The following GNS variants were observed in gnomAD, a reference collection of about 807,000 sequenced individuals.
GNS encodes N-acetylglucosamine-6-sulfatase.
Under a neutral mutation model 69.7 loss-of-function variants are expected in GNS, and 40 were observed. That is an observed-to-expected ratio of 0.57 (90% confidence interval 0.45 to 0.75). GNS has a LOEUF of 0.75. GNS is among the 30% of genes least tolerant of loss of function. The probability of loss-of-function intolerance (pLI) is 0.00; values close to 1 mark genes in which losing one functional copy is unlikely to be tolerated. For missense variants in GNS, 565 were observed against 685.5 expected, an observed-to-expected ratio of 0.82 and a Z score of 1.96; for synonymous variants, 243 against 251.6, an observed-to-expected ratio of 0.97 and a Z score of 0.32.
intron 5 of GNS, among the ~76,000 whole-genome samples, 159 bp from the exon 6 acceptor site, chr12:64,743,467 G>C (rs533566753): frequency 1.3e-5 from 2 of 152,292 alleles, no homozygotes; most frequent in South Asian, 4.1e-4. Context: ...CATATTGTTG[G>C]AACAAATATA....
Position 64,747,851 on chromosome 12 carries a change from T to G in GNS, c.320A>C (p.His107Pro). The change falls in exon 3 of 14, where the codon CAT (histidine) becomes CCT (proline). Residue 107 changes from histidine to proline, a missense_variant. Transcript: ENST00000258145. ...CTCCAGAGTGTTGTTCACAACGTGATGATTATGTGGGTACTTTCCTGTCAG... is the reference window on the plus strand; with the variant it reads ...CTCCAGAGTGTTGTTCACAACGTGAGGATTATGTGGGTACTTTCCTGTCAG... ...SILTGKYPHN[H>P]HVVNNTLEGN... 1 of 1,610,848 alleles carries G rather than the reference T, an allele frequency of 6.2e-7. No homozygotes were observed. The highest frequency in any genetic ancestry group is 8.5e-7 in the Non-Finnish European group (1 of 1,177,006).
At chr12:64,758,039 T>C (rs918641576) in intron 1 of GNS, among the ~76,000 whole-genome samples, 3 of 152,200 alleles carry the variant, frequency 2.0e-5, no homozygotes, top group Non-Finnish European at 4.4e-5. Context: ...CTTGGGCAAG[T>C]TGCTTTCTGG....
In GNS at chr12:64,743,242, T is replaced by C; in HGVS notation, c.691A>G (p.Thr231Ala). 6.2e-7 allele frequency: 1 copy of C among 1,612,526 alleles called. No individual in the cohort carries two copies. The highest frequency in any genetic ancestry group is 8.5e-7 in the Non-Finnish European group (1 of 1,178,650). The change falls in exon 6 of 14, where the codon ACT becomes GCT. Residue 231 changes from threonine to alanine, a missense_variant. Thr to Ala is a moderately conservative substitution (Grantham distance 58). This residue lies in a region of GNS where 384 missense variants were observed against 511.0 expected (regional missense o/e 0.75). Transcript: ENST00000258145. Reference protein sequence around the residue: ...NFEPFFMMIATPAPHSPWTAA... With the variant: ...NFEPFFMMIAAPAPHSPWTAA... ...GTCCAAGGCGAATGAGGCGCTGGAG[T>C]GGCGATCATCATGAAGAAGGGCTCA...
chr12:64,753,704 T>G (rs1253546069), intron 1 of GNS, among the ~76,000 whole-genome samples: 1 of 152,208 alleles, frequency 6.6e-6, no homozygotes, highest in Non-Finnish European at 1.5e-5. Context: ...AAATGACTTT[T>G]CCCCATTGTT....
In GNS at chr12:64,752,585, G is replaced by A. The variant is rs987007442; in HGVS notation, c.252+113C>T. On this transcript the variant is annotated intron_variant, in intron 2 of 13. Coordinates refer to ENST00000258145, the MANE Select transcript of GNS (RefSeq NM_002076.4). ...TAAATAAATCCTTCCTTCAGATCAGGCATTTAACAAGGAAAAAACCACATA... is the reference window on the plus strand; with the variant it reads ...TAAATAAATCCTTCCTTCAGATCAGACATTTAACAAGGAAAAAACCACATA... 11 of 688,066 alleles carry A rather than the reference G, an allele frequency of 1.6e-5. No individual in the cohort carries two copies. In the African/African-American group the frequency reaches 1.6e-4, roughly 10 times the overall value. The allele number at this position is 688,066 out of a possible 1,614,324, so 42.6% of individuals were successfully genotyped here. A position where few individuals can be genotyped will look rare whatever the true frequency, so the allele number is the denominator to read the frequency against.
rs768197243 is a variant in GNS at position 64,729,029 on chromosome 12, G to C, written c.1127C>G (p.Pro376Arg). The C allele has an allele frequency of 3.1e-6, 5 of 1,593,402 alleles. No homozygotes were observed. Among genetic ancestry groups the C allele is most frequent in the Non-Finnish European group, 4.3e-6 (5 of 1,161,208 alleles). The stretch of plus-strand genomic sequence containing the variant: ...GTAGCCAGCAATGTCCAAAATAGTA[G>C]GACCCAAGTCAATGTTGGCAACCAG... ...KMLVANIDLG[P>R]TILDIAGYDL... Residue 376 changes from proline to arginine, a missense_variant, in exon 10 of 14, where the codon CCT becomes CGT. Transcript: ENST00000258145.
chr12:64,742,101 A>G (rs1467483316), intron 6 of GNS, among the ~76,000 whole-genome samples: 2 of 151,866 alleles, frequency 1.3e-5, no homozygotes, highest in Admixed American at 6.6e-5. Context: ...GCTCACGGCA[A>G]GCTCCGCCTC....
At position 64,723,609 on chromosome 12, in the gene GNS, T is replaced by C. The variant is rs190904471; in HGVS notation, c.1201-496A>G. On this transcript the variant is annotated intron_variant, in intron 10 of 13. Transcript: ENST00000258145. ...CTTGATGGTCAGAATGAAGGTATAG[T>C]ACATTAATTCACTCACTTTTCAATG... Among the ~76,000 whole-genome samples, 115 of 152,340 alleles carry C rather than the reference T, an allele frequency of 7.5e-4. 1 individual carries two copies. The highest frequency in any genetic ancestry group is 1.6e-3 in the Admixed American group (25 of 15,302).
At chr12:64,743,365 A>C in intron 5 of GNS, 57 bp from the exon 6 acceptor site, 1 of 1,241,846 alleles carries the variant, frequency 8.1e-7, no homozygotes, top group Non-Finnish European at 1.2e-6. Flanking sequence ...AGTATTTAAT[A>C]GATAAATGTC....
At chr12:64,716,981 C>T (rs765200638) in intron 13 of GNS, among the ~76,000 whole-genome samples, 162 bp from the exon 14 acceptor site, 20 of 152,122 alleles carry the variant, frequency 1.3e-4, no homozygotes, top group African/African-American at 4.8e-4. Flanking sequence ...TCGACAGTTC[C>T]GAACATTTCT....
chr12:64,728,079 A>G (rs917446983), intron 10 of GNS, among the ~76,000 whole-genome samples: 3 of 152,128 alleles, frequency 2.0e-5, no homozygotes, highest in Non-Finnish European at 4.4e-5. Flanking sequence ...GCCCGCCACC[A>G]TGCCCAGCTT....
chr12:64,759,265 C>T lies in GNS; in HGVS notation c.12G>A (p.Leu4=), dbSNP rs1252707980. The T allele has an allele frequency of 2.0e-6, 3 of 1,527,754 alleles. No individual in the cohort carries two copies. Among genetic ancestry groups the T allele is most frequent in the South Asian group, 2.5e-5 (2 of 81,622 alleles). 94.6% of individuals were successfully genotyped at this position (1,527,754 alleles called of 1,614,324 possible). Reference sequence around the variant, plus strand: ...GCCGGAGCCGACCTGGGGCTAGAGGCAGGAGCCGCATAGCGGACAGGCTCC... The same window carrying T: ...GCCGGAGCCGACCTGGGGCTAGAGGTAGGAGCCGCATAGCGGACAGGCTCC... The part of the protein sequence containing the change: MRL[L]PLAPGRLRRG... The change falls in exon 1 of 14, where the codon CTG becomes CTA. Residue 4 remains leucine, a synonymous_variant. Coordinates refer to ENST00000258145, the MANE Select transcript of GNS (RefSeq NM_002076.4).
At chr12:64,752,427 A>AT (rs771092990) in intron 2 of GNS, among the ~76,000 whole-genome samples, 6 of 152,186 alleles carry the variant, frequency 3.9e-5, no homozygotes, top group African/African-American at 1.4e-4. Flanking sequence ...ATATTCCTTG[A>AT]TTTTTTATAA....
chr12:64,733,232 A>G (rs1460009313), intron 9 of GNS, among the ~76,000 whole-genome samples: 6 of 135,560 alleles, frequency 4.4e-5, no homozygotes, highest in Non-Finnish European at 9.3e-5. Context: ...TGGGAGGTGG[A>G]GGATGCAGTG....
At chr12:64,750,863 G>A (rs371626540) in intron 2 of GNS, among the ~76,000 whole-genome samples, 1 of 152,078 alleles carries the variant, frequency 6.6e-6, no homozygotes, top group Non-Finnish European at 1.5e-5. Flanking sequence ...AGTGAGCTAC[G>A]TCACTGCACT....
intron 13 of GNS, 59 bp from the exon 14 acceptor site, chr12:64,716,878 A>C: frequency 9.5e-7 from 1 of 1,056,888 alleles, no homozygotes; most frequent in Admixed American, 1.7e-5. Flanking sequence ...TCAGAATATT[A>C]TTCAGTGGAA....
chr12:64,744,659 C>A lies in GNS; in HGVS notation c.624+150G>T. The A allele has an allele frequency of 6.0e-6, 4 of 665,014 alleles. No homozygotes were observed. In the South Asian group the frequency reaches 6.5e-5, roughly 11 times the overall value. 41.2% of individuals were successfully genotyped at this position (665,014 alleles called of 1,614,324 possible). The stretch of plus-strand genomic sequence containing the variant: ...AACACCCTGAGGAGTTTGTAATCAG[C>A]TGGAAATACTCTTGGGCAGTTAGAC... On this transcript the variant is annotated intron_variant, in intron 5 of 13. Transcript: ENST00000258145.
In GNS at chr12:64,740,350, T is replaced by C. The variant is rs150425844; in HGVS notation, c.875+256A>G. Among the ~76,000 whole-genome samples, 568 of 152,294 alleles carry C rather than the reference T, an allele frequency of 3.7e-3. 3 individuals carry two copies. Among genetic ancestry groups the C allele is most frequent in the African/African-American group, 0.012 (484 of 41,560 alleles). Reference sequence around the variant, plus strand: ...AAGCAGGAGAAAAAATTCTACCACATGGTTCAAGTTTGCAAGACTTTTGCC... The same window carrying C: ...AAGCAGGAGAAAAAATTCTACCACACGGTTCAAGTTTGCAAGACTTTTGCC... On this transcript the variant is annotated intron_variant, in intron 7 of 13. Transcript: ENST00000258145.
intron 9 of GNS, 198 bp from the exon 10 acceptor site, chr12:64,729,255 C>T (rs965354885): frequency 6.8e-6 from 4 of 591,186 alleles, no homozygotes; most frequent in East Asian, 2.9e-5. Flanking sequence ...GCTTATAAGG[C>T]TTGTATAATA....
Sources: allele counts gnomAD v4.1 joint callset (sites outside exome capture counted in the v4.1 genomes callset), GRCh38; gene constraint gnomAD v4.1.1; regional missense constraint gnomAD v4.1.1; transcripts MANE v1.5; gene names NCBI Gene and HGNC (gene_info 2026-07-23, HGNC 2026-07-21).